ATG13: variants seen among roughly 807,000 people sequenced by gnomAD.
ATG13 encodes autophagy-related protein 13.
In ATG13, 23 loss-of-function variants were observed where a neutral mutation model predicts 65.5. The observed-to-expected ratio is 0.35, with a 90% CI of 0.25 to 0.50. The LOEUF (loss-of-function observed/expected upper bound fraction) is 0.50, where lower values mean the gene tolerates loss of function less well. Among genes scored for constraint, ATG13 ranks in the 20% least tolerant of loss-of-function variants. The pLI, the probability that ATG13 is intolerant of heterozygous loss-of-function variation, is 0.98. For synonymous variants in ATG13, 252 were observed against 245.2 expected (o/e 1.03, Z -0.26); for missense variants, 566 against 677.0 (o/e 0.84, Z 1.82).
intron 7 of ATG13, among the ~76,000 whole-genome samples, chr11:46,655,126 G>A (rs756566057): frequency 3.4e-5 from 5 of 148,898 alleles, no homozygotes; most frequent in Non-Finnish European, 6.0e-5. Flanking sequence ...AGGTCCGGGC[G>A]CAGTGGCTCA....
intron 7 of ATG13, among the ~76,000 whole-genome samples, chr11:46,651,066 G>A (rs2058795711): frequency 6.6e-6 from 1 of 152,176 alleles, no homozygotes; most frequent in Non-Finnish European, 1.5e-5. Context: ...TATTTTCCTT[G>A]GAGCATTTCA....
chr11:46,643,619 T>A (rs1591784138), intron 2 of ATG13, among the ~76,000 whole-genome samples: 1 of 151,950 alleles, frequency 6.6e-6, no homozygotes, highest in South Asian at 2.1e-4. Flanking sequence ...GGGCTTTTTT[T>A]TTTTTTTTTT....
At chr11:46,632,637 G>A (rs1232364259) in intron 2 of ATG13, among the ~76,000 whole-genome samples, 3 of 152,086 alleles carry the variant, frequency 2.0e-5, no homozygotes, top group Non-Finnish European at 2.9e-5. Context: ...TACAAAGTCT[G>A]AAGAGAAGAA....
In ATG13 at chr11:46,668,862, C is replaced by T. The variant is rs747689126; in HGVS notation, c.1398C>T (p.Ser466=). 14 of 1,613,812 alleles carry T rather than the reference C, an allele frequency of 8.7e-6. No individual in the cohort carries two copies. The highest frequency in any genetic ancestry group is 1.7e-5 in the Admixed American group (1 of 60,004). The change falls in exon 17 of 19, where the codon AGC becomes AGT. Residue 466 remains serine, a synonymous_variant. Coordinates refer to ENST00000683050, the MANE Select transcript of ATG13 (RefSeq NM_001346311.2). The part of the protein sequence containing the change: ...LQGSLHSDGS[S]GGSSGNTHDD... ...GCAGCCTGCACTCAGATGGCTCCAG[C>T]GGGGGCAGCAGTGGCAATACCCATG...
chr11:46,659,139 C>T (rs2060631778), intron 10 of ATG13, among the ~76,000 whole-genome samples: 1 of 152,220 alleles, frequency 6.6e-6, no homozygotes, highest in Non-Finnish European at 1.5e-5. Flanking sequence ...CATGCCACAG[C>T]ACTCTAGCCT....
intron 14 of ATG13, 24 bp downstream of exon 14, chr11:46,665,543 C>T (rs973486377): frequency 1.2e-6 from 2 of 1,612,908 alleles, no homozygotes; most frequent in African/African-American, 1.3e-5. Flanking sequence ...TTGGCTCTGT[C>T]TCTGGTAAGG....
intron 2 of ATG13, among the ~76,000 whole-genome samples, chr11:46,639,950 C>G (rs1020435054): frequency 1.3e-5 from 2 of 150,588 alleles, no homozygotes; most frequent in African/African-American, 4.9e-5. Context: ...GCCTCCCAGG[C>G]TCAAGCAATC....
intron 2 of ATG13, among the ~76,000 whole-genome samples, chr11:46,633,015 TATATATATA>T (rs1185741122): frequency 3.0e-5 from 3 of 101,370 alleles, no homozygotes; most frequent in African/African-American, 1.7e-4. Flanking sequence ...TATATATATA[TATATATATA>T]TATTTTTTTT....
intron 7 of ATG13, among the ~76,000 whole-genome samples, chr11:46,654,283 T>TA (rs1555105175): frequency 0.04 from 4,923 of 122,262 alleles, 294 homozygotes; most frequent in African/African-American, 0.12. Context: ...TTTTAAAATT[T>TA]TATATATATA....
chr11:46,657,126 C>T lies in ATG13; in HGVS notation c.531C>T (p.Gly177=). 1 of 1,614,088 alleles carries T rather than the reference C, an allele frequency of 6.2e-7. No individual in the cohort carries two copies. The change falls in exon 9 of 19, where the codon GGC becomes GGT. Residue 177 remains glycine, a synonymous_variant. Coordinates refer to ENST00000683050, the MANE Select transcript of ATG13 (RefSeq NM_001346311.2). ...GFQTVRVGTV[G]TPVGTITLSC... ...AGACAGTTCGTGTTGGGACAGTGGG[C>T]ACCCCTGTGGGCACCATCACTCTTT...
intron 6 of ATG13, 59 bp downstream of exon 6, chr11:46,649,242 C>A: frequency 6.4e-7 from 1 of 1,554,646 alleles, no homozygotes; most frequent in Non-Finnish European, 8.8e-7. Context: ...TAGATGACAT[C>A]ATGTGAAAAG....
At position 46,667,789 on chromosome 11, in the gene ATG13, G is replaced by A. The variant is rs201400137; in HGVS notation, c.1153G>A (p.Val385Ile). The A allele has an allele frequency of 2.7e-5, 43 of 1,607,438 alleles. No homozygotes were observed. Among genetic ancestry groups the A allele is most frequent in the South Asian group, 2.6e-4 (24 of 90,756 alleles). Residue 385 changes from valine (V) to isoleucine (I), a missense_variant, in exon 15 of 19, where the codon GTA becomes ATA. Val to Ile is a conservative substitution (Grantham distance 29, BLOSUM62 3). Around this residue, in one of 2 missense-constraint regions of ATG13, gnomAD observed 387 missense variants for 409.8 expected, o/e 0.94. Coordinates refer to ENST00000683050, the MANE Select transcript of ATG13 (RefSeq NM_001346311.2). ...TPSSSEDTETVSNSSEGRASP... is the reference protein window; with the variant it reads ...TPSSSEDTETISNSSEGRASP... ...CTCCTCCAGTGAGGATACTGAAACC[G>A]TATCAAACAGCAGTGAGGGACGGGC...
rs557126417 is a variant in ATG13 at position 46,639,081 on chromosome 11, G to A, written c.-13-5198G>A. Reference sequence around the variant, plus strand: ...CGGCTCACTGCAACCTCTGCCTCCCGGGTTCAAGTGATTCTCCTGCCTCGG... The same window carrying A: ...CGGCTCACTGCAACCTCTGCCTCCCAGGTTCAAGTGATTCTCCTGCCTCGG... On this transcript the variant is annotated intron_variant, in intron 2 of 18. Transcript: ENST00000683050. Among the ~76,000 whole-genome samples the A allele has an allele frequency of 5.9e-5, 9 of 152,030 alleles. No homozygotes were observed. In the South Asian group the frequency reaches 1.2e-3, roughly 21 times the overall value.
At chr11:46,648,899 T>A in intron 5 of ATG13, 2 of 350,464 alleles carry the variant, frequency 5.7e-6, no homozygotes, top group East Asian at 9.3e-5. Flanking sequence ...TTAAATGATT[T>A]AGAATTTTTA....
Position 46,674,373 on chromosome 11 carries a change from G to A in ATG13, c.*2041G>A, listed in dbSNP as rs538529039. The A allele has an allele frequency of 1.3e-5, 2 of 152,308 alleles. No individual in the cohort carries two copies. Among genetic ancestry groups the A allele is most frequent in the East Asian group, 1.9e-4 (1 of 5,184 alleles). The allele number at this position is 152,308 out of a possible 1,614,324, so 9.4% of individuals were successfully genotyped here. On this transcript the variant is annotated 3_prime_UTR_variant, in exon 19 of 19. Transcript: ENST00000683050. ...CTAGACTGACTCCTGCAGCACCCCC[G>A]GGACAGGCTGGGACCAGCTGTTTGT...
At chr11:46,667,677 C>A in intron 14 of ATG13, 96 bp from the exon 15 acceptor site, 1 of 922,064 alleles carries the variant, frequency 1.1e-6, no homozygotes. Context: ...CAACTCCTGC[C>A]CTAGGCCACA....
intron 1 of ATG13, 35 bp from the exon 2 acceptor site, chr11:46,630,010 G>A (rs1215754551): frequency 6.6e-6 from 1 of 152,126 alleles, no homozygotes; most frequent in African/African-American, 2.4e-5. Flanking sequence ...CTGTTGTGCA[G>A]TGGTATTCAC....
intron 1 of ATG13, among the ~76,000 whole-genome samples, chr11:46,627,726 G>A (rs2050207339): frequency 6.6e-6 from 1 of 151,946 alleles, no homozygotes; most frequent in Non-Finnish European, 1.5e-5. Context: ...TGATCTGCCC[G>A]CCTCGGTATC....
At chr11:46,669,295 G>A in intron 17 of ATG13, 109 bp from the exon 18 acceptor site, 5 of 1,368,270 alleles carry the variant, frequency 3.7e-6, no homozygotes, top group Non-Finnish European at 5.0e-6. Flanking sequence ...CTCTCCCTAA[G>A]ATAAGCCTGA....
Sources: gnomAD v4.1 joint callset for allele counts (sites outside exome capture counted in the v4.1 genomes callset) on GRCh38, gnomAD v4.1.1 for gene constraint, gnomAD v4.1.1 regional missense constraint, MANE v1.5 for transcripts, NCBI Gene and HGNC (gene_info 2026-07-23, HGNC 2026-07-21) for gene names.